The following PCBD2 variants were observed in gnomAD, a reference collection of about 807,000 sequenced individuals.
The protein encoded by PCBD2 is pterin-4-alpha-carbinolamine dehydratase 2.
In PCBD2, 12 loss-of-function variants were observed where a neutral mutation model predicts 16.4. The ratio of observed to expected loss-of-function variants is 0.73; its 90% CI spans 0.47 to 1.19. The LOEUF (loss-of-function observed/expected upper bound fraction) is 1.19, where lower values mean the gene tolerates loss of function less well. Among genes scored for constraint, PCBD2 ranks in the 50% most tolerant of loss-of-function variants. PCBD2 has a pLI of 0.00. For synonymous variants in PCBD2, 58 were observed against 61.8 expected, an observed-to-expected ratio of 0.94 and a Z score of 0.29; for missense variants, 138 against 156.8, an observed-to-expected ratio of 0.88 and a Z score of 0.64.
intron 1 of PCBD2, among the ~76,000 whole-genome samples, chr5:134,906,371 T>G (rs1750690460): frequency 6.6e-6 from 1 of 151,808 alleles, no homozygotes; most frequent in Non-Finnish European, 1.5e-5. Flanking sequence ...GCCCGGCTAA[T>G]TTTTTTGTAT....
chr5:134,960,639 G>A lies in PCBD2; in HGVS notation c.351G>A (p.Val117=), dbSNP rs191294120. 110 of 1,613,720 alleles carry A rather than the reference G, an allele frequency of 6.8e-5. No individual in the cohort carries two copies. In the Admixed American group the frequency reaches 8.8e-4, roughly 13 times the overall value. ...GTGGTGAACTGACCAAAAAAGATGTGAAGCTGGCCAAGTTTATTGAAAAAG... is the reference window on the plus strand; with the variant it reads ...GTGGTGAACTGACCAAAAAAGATGTAAAGCTGGCCAAGTTTATTGAAAAAG... The part of the protein sequence containing the change: ...HDCGELTKKD[V]KLAKFIEKAA... Residue 117 remains valine, a synonymous_variant, in exon 4 of 4, where the codon GTG becomes GTA. Coordinates refer to ENST00000254908, the MANE Select transcript of PCBD2 (RefSeq NM_032151.5).
rs80090239 is a variant in PCBD2, at chr5:134,928,119, T to C, written c.216+17653T>C. 1,688 of 392,812 alleles carry C rather than the reference T, an allele frequency of 4.3e-3. 20 individuals are homozygous for C. Among genetic ancestry groups the C allele is most frequent in the East Asian group, 0.026 (714 of 27,898 alleles). The allele number at this position is 392,812 out of a possible 1,614,324, so 24.3% of individuals were successfully genotyped here. A position where few individuals can be genotyped will look rare whatever the true frequency, so the allele number is the denominator to read the frequency against. ...AGTAGGGCTAGGCCTACTGCTGCCT[T>C]GCAGGCAGCAAAGACTAGTATGGCG... On this transcript the variant is annotated intron_variant, in intron 2 of 3. Coordinates refer to ENST00000254908, the MANE Select transcript of PCBD2 (RefSeq NM_032151.5).
intron 2 of PCBD2, among the ~76,000 whole-genome samples, chr5:134,912,282 G>T (rs1750778758): frequency 6.6e-6 from 1 of 152,286 alleles, no homozygotes. Flanking sequence ...TTTCCCACTA[G>T]GCTCCTATGA....
intron 2 of PCBD2, among the ~76,000 whole-genome samples, chr5:134,952,111 G>A (rs926962588): frequency 3.4e-5 from 5 of 147,918 alleles, no homozygotes; most frequent in South Asian, 2.1e-4. Context: ...TCTTTTCTTC[G>A]GTATATTTTC....
intron 1 of PCBD2, 83 bp from the exon 2 acceptor site, chr5:134,910,252 A>C: frequency 6.9e-7 from 1 of 1,440,700 alleles, no homozygotes; most frequent in Non-Finnish European, 9.5e-7. Flanking sequence ...ACTTTTCTAC[A>C]TCTCTGCTTA....
At chr5:134,922,421 C>T (rs1441421288) in intron 2 of PCBD2, among the ~76,000 whole-genome samples, 1 of 152,134 alleles carries the variant, frequency 6.6e-6, no homozygotes, top group South Asian at 2.1e-4. Flanking sequence ...TATCCTGCCC[C>T]TTCTGTTCAC....
chr5:134,937,129 C>A (rs112902154), intron 2 of PCBD2, among the ~76,000 whole-genome samples: 4,065 of 152,128 alleles, frequency 0.027, 152 homozygotes, highest in African/African-American at 0.092. Flanking sequence ...TTTAGAATTT[C>A]GTTTTAAGCT....
intron 2 of PCBD2, among the ~76,000 whole-genome samples, chr5:134,922,971 G>A (rs148588618): frequency 3.3e-3 from 500 of 152,166 alleles, no homozygotes; most frequent in Non-Finnish European, 5.4e-3. Flanking sequence ...CCACCTGCCC[G>A]GCCCTAGGAA....
intron 2 of PCBD2, among the ~76,000 whole-genome samples, chr5:134,954,070 A>C (rs559465010): frequency 5.3e-5 from 8 of 152,058 alleles, no homozygotes; most frequent in East Asian, 1.9e-4. Flanking sequence ...GGATCCCCCA[A>C]CCTCAACCTC....
intron 2 of PCBD2, among the ~76,000 whole-genome samples, chr5:134,946,925 T>A (rs145004225): frequency 1.3e-5 from 2 of 152,176 alleles, no homozygotes; most frequent in Admixed American, 6.5e-5. Flanking sequence ...TAAAACTAGA[T>A]CCATAGAAAT....
At chr5:134,937,130 G>A (rs949792944) in intron 2 of PCBD2, among the ~76,000 whole-genome samples, 9 of 152,034 alleles carry the variant, frequency 5.9e-5, no homozygotes, top group South Asian at 2.1e-4. Context: ...TTAGAATTTC[G>A]TTTTAAGCTA....
At chr5:134,929,008 C>T (rs1295094511) in intron 2 of PCBD2, among the ~76,000 whole-genome samples, 1 of 151,936 alleles carries the variant, frequency 6.6e-6, no homozygotes, top group African/African-American at 2.4e-5. Flanking sequence ...ATTAGAAAGC[C>T]AGAGGTGAGG....
At chr5:134,949,995 C>T (rs754369713) in intron 2 of PCBD2, among the ~76,000 whole-genome samples, 7 of 152,202 alleles carry the variant, frequency 4.6e-5, no homozygotes, top group African/African-American at 1.7e-4. Flanking sequence ...TTTCCTTGAT[C>T]ACCAATTAGA....
intron 2 of PCBD2, among the ~76,000 whole-genome samples, chr5:134,954,364 TTTCTCTTTTAAACTCC>T (rs1369178820): frequency 6.6e-6 from 1 of 152,234 alleles, no homozygotes; most frequent in East Asian, 1.9e-4. Context: ...CATCTTGTCC[TTTCTCTTTTAAACTCC>T]TTTAATAGTT....
chr5:134,906,380 A>G (rs987084847), intron 1 of PCBD2, among the ~76,000 whole-genome samples: 40 of 150,216 alleles, frequency 2.7e-4, no homozygotes, highest in African/African-American at 8.3e-4. Flanking sequence ...ATTTTTTTGT[A>G]TTTTTAGTAG....
chr5:134,916,471 TCA>T (rs1209557872), intron 2 of PCBD2, among the ~76,000 whole-genome samples: 1 of 152,216 alleles, frequency 6.6e-6, no homozygotes, highest in Non-Finnish European at 1.5e-5. Flanking sequence ...TACAGTGGTA[TCA>T]CAAGTTTGCT....
At chr5:134,932,344 AT>A (rs57518624) in intron 2 of PCBD2, among the ~76,000 whole-genome samples, 64 of 147,086 alleles carry the variant, frequency 4.4e-4, no homozygotes, top group African/African-American at 9.4e-4. Flanking sequence ...TGCCTGGCTA[AT>A]TTTTTTTTTT....
intron 2 of PCBD2, among the ~76,000 whole-genome samples, chr5:134,939,731 G>T (rs1456481747): frequency 6.6e-6 from 1 of 152,110 alleles, no homozygotes; most frequent in African/African-American, 2.4e-5. Flanking sequence ...CACAGTATAT[G>T]AAACTGAAAG....
intron 1 of PCBD2, among the ~76,000 whole-genome samples, chr5:134,909,422 C>G (rs1001664497): frequency 6.6e-6 from 1 of 152,212 alleles, no homozygotes; most frequent in Non-Finnish European, 1.5e-5. Flanking sequence ...TTAGATGTGA[C>G]AGGAGATGGT....
Sources: gnomAD v4.1 joint callset for allele counts (sites outside exome capture counted in the v4.1 genomes callset) on GRCh38, gnomAD v4.1.1 for gene constraint, MANE v1.5 for transcripts, NCBI Gene and HGNC (gene_info 2026-07-23, HGNC 2026-07-21) for gene names.